The following GRXCR1 variants were observed in gnomAD, a reference collection of about 807,000 sequenced individuals.
GRXCR1 encodes glutaredoxin domain-containing cysteine-rich protein 1.
In GRXCR1, 27 loss-of-function variants were observed where a neutral mutation model predicts 27.3. That is an observed-to-expected ratio of 0.99 (90% confidence interval 0.73 to 1.37). The LOEUF (loss-of-function observed/expected upper bound fraction) is 1.37, where lower values mean the gene tolerates loss of function less well. Ranked by LOEUF, GRXCR1 falls within the 40% of genes most tolerant of loss-of-function variation. The pLI is 0.00. For missense variants in GRXCR1, 379 were observed against 354.4 expected (o/e 1.07, Z -0.56); for synonymous variants, 122 against 131.1 (o/e 0.93, Z 0.47).
chr4:42,962,786 A>T, intron 1 of GRXCR1, 106 bp from the exon 2 acceptor site: 1 of 1,258,688 alleles, frequency 7.9e-7, no homozygotes, highest in Non-Finnish European at 1.2e-6. Context: ...AAATGTGTTC[A>T]TTCAATTTTA....
chr4:42,916,130 T>C (rs1190326907), intron 1 of GRXCR1, among the ~76,000 whole-genome samples: 1 of 150,262 alleles, frequency 6.7e-6, no homozygotes, highest in Non-Finnish European at 1.5e-5. Context: ...AAGCATGTGC[T>C]TTTGTAAAAC....
At chr4:43,011,800 G>C (rs1712759203) in intron 2 of GRXCR1, among the ~76,000 whole-genome samples, 1 of 152,156 alleles carries the variant, frequency 6.6e-6, no homozygotes, top group Non-Finnish European at 1.5e-5. Flanking sequence ...TTGTAGGGAG[G>C]TCTTTCTTGA....
At chr4:42,921,577 T>A (rs1747011737) in intron 1 of GRXCR1, among the ~76,000 whole-genome samples, 1 of 152,020 alleles carries the variant, frequency 6.6e-6, no homozygotes, top group South Asian at 2.1e-4. Context: ...TATACCTGAG[T>A]ATATGTACTC....
intron 2 of GRXCR1, among the ~76,000 whole-genome samples, chr4:42,993,922 T>G (rs1167330101): frequency 6.6e-6 from 1 of 152,118 alleles, no homozygotes; most frequent in Non-Finnish European, 1.5e-5. Flanking sequence ...CTTTCATAAA[T>G]AAACGAGTGT....
intron 2 of GRXCR1, among the ~76,000 whole-genome samples, chr4:43,017,454 A>C (rs1712963628): frequency 6.6e-6 from 1 of 152,132 alleles, no homozygotes; most frequent in African/African-American, 2.4e-5. Context: ...TTCTCTTTAA[A>C]CTTTAGTTTT....
intron 1 of GRXCR1, among the ~76,000 whole-genome samples, chr4:42,934,593 C>T (rs1433555561): frequency 6.6e-6 from 1 of 151,932 alleles, no homozygotes; most frequent in Admixed American, 6.6e-5. Flanking sequence ...ACACATTTCT[C>T]CAGTCCTACA....
chr4:42,963,040 A>G lies in GRXCR1; in HGVS notation c.533A>G (p.Asn178Ser), dbSNP rs1748161900. 1 of 1,612,916 alleles carries G rather than the reference A, an allele frequency of 6.2e-7. No individual in the cohort carries two copies. Among genetic ancestry groups the G allele is most frequent in the Non-Finnish European group, 8.5e-7 (1 of 1,179,136 alleles). ...VKFEEKNIALNGEYGKELDER... is the reference protein window; with the variant it reads ...VKFEEKNIALSGEYGKELDER... ...TTTGAAGAGAAAAACATAGCCCTGA[A>G]TGGTGAATATGGAAAAGAGTTAGAC... The change falls in exon 2 of 4, where the codon AAT (asparagine) becomes AGT (serine). Residue 178 changes from asparagine to serine, a missense_variant. By Grantham distance (46) the Asn-to-Ser change is conservative. Coordinates refer to ENST00000399770, the MANE Select transcript of GRXCR1 (RefSeq NM_001080476.3).
intron 2 of GRXCR1, among the ~76,000 whole-genome samples, chr4:42,968,896 A>G (rs1318877955): frequency 6.6e-6 from 1 of 152,142 alleles, no homozygotes; most frequent in Non-Finnish European, 1.5e-5. Context: ...TTAAAAAATA[A>G]GGTATTTCTT....
Position 42,963,030 on chromosome 4 carries a change from A to T in GRXCR1, c.523A>T (p.Ile175Leu). The part of the protein sequence containing the change: ...NHRVKFEEKN[I>L]ALNGEYGKEL... ...TCGCGTAAAATTTGAAGAGAAAAAC[A>T]TAGCCCTGAATGGTGAATATGGAAA... The change falls in exon 2 of 4, where the codon ATA (isoleucine) becomes TTA (leucine). Residue 175 changes from isoleucine to leucine, a missense_variant. Ile to Leu is a conservative substitution (Grantham distance 5). Transcript: ENST00000399770. 2 of 1,612,896 alleles carry T rather than the reference A, an allele frequency of 1.2e-6. No individual in the cohort carries two copies. Among genetic ancestry groups the T allele is most frequent in the Non-Finnish European group, 1.7e-6 (2 of 1,179,114 alleles).
In GRXCR1 at chr4:42,927,874, A is replaced by C. The variant is rs150141569; in HGVS notation, c.384+34224A>C. On this transcript the variant is annotated intron_variant, in intron 1 of 3. Coordinates refer to ENST00000399770, the MANE Select transcript of GRXCR1 (RefSeq NM_001080476.3). Reference sequence around the variant, plus strand: ...TTGTGTGCAGGTAATTTATTTGGGAAGTGATCTCAGGAAGCCCCTGTAGGA... The same window carrying C: ...TTGTGTGCAGGTAATTTATTTGGGACGTGATCTCAGGAAGCCCCTGTAGGA... Among the ~76,000 whole-genome samples, 225 of 152,058 alleles carry C rather than the reference A, an allele frequency of 1.5e-3. 2 individuals carry two copies. The highest frequency in any genetic ancestry group is 4.8e-3 in the African/African-American group (200 of 41,526).
At chr4:43,014,449 A>T (rs891480726) in intron 2 of GRXCR1, among the ~76,000 whole-genome samples, 1 of 152,012 alleles carries the variant, frequency 6.6e-6, no homozygotes, top group Non-Finnish European at 1.5e-5. Context: ...TGCGGGTCGA[A>T]CTCCTTCAAT....
At chr4:43,017,818 A>G (rs1712973205) in intron 2 of GRXCR1, among the ~76,000 whole-genome samples, 2 of 152,122 alleles carry the variant, frequency 1.3e-5, no homozygotes, top group Non-Finnish European at 2.9e-5. Flanking sequence ...AAGGAAATAC[A>G]CTCTCTTTTG....
At chr4:42,927,902 G>T (rs957976040) in intron 1 of GRXCR1, among the ~76,000 whole-genome samples, 1 of 151,968 alleles carries the variant, frequency 6.6e-6, no homozygotes, top group Non-Finnish European at 1.5e-5. Flanking sequence ...CTGTAGGAGA[G>T]TGGGGATTGA....
chr4:42,944,204 G>A (rs982272632), intron 1 of GRXCR1, among the ~76,000 whole-genome samples: 1 of 151,988 alleles, frequency 6.6e-6, no homozygotes, highest in Non-Finnish European at 1.5e-5. Flanking sequence ...GGTAGAAGAT[G>A]GACCAACCAA....
At chr4:42,946,754 A>G (rs1171535003) in intron 1 of GRXCR1, among the ~76,000 whole-genome samples, 1 of 151,980 alleles carries the variant, frequency 6.6e-6, no homozygotes, top group Non-Finnish European at 1.5e-5. Flanking sequence ...TGACCTAATC[A>G]CCTCTCAAAA....
At chr4:42,980,433 GT>G (rs1298487251) in intron 2 of GRXCR1, among the ~76,000 whole-genome samples, 2 of 151,698 alleles carry the variant, frequency 1.3e-5, no homozygotes, top group Non-Finnish European at 2.9e-5. Flanking sequence ...TAATTTTCCT[GT>G]TTTTGTAAAT....
chr4:43,000,297 G>A (rs1434770005), intron 2 of GRXCR1, among the ~76,000 whole-genome samples: 1 of 151,968 alleles, frequency 6.6e-6, no homozygotes, highest in Admixed American at 6.6e-5. Flanking sequence ...GGCCAACATG[G>A]TGAAACTGTC....
chr4:42,921,413 A>G (rs2109750983), intron 1 of GRXCR1, among the ~76,000 whole-genome samples: 1 of 152,240 alleles, frequency 6.6e-6, no homozygotes, highest in Non-Finnish European at 1.5e-5. Flanking sequence ...TTTCTCTAAG[A>G]GTCTTCTAAA....
chr4:42,921,712 A>G (rs1392400251), intron 1 of GRXCR1, among the ~76,000 whole-genome samples: 1 of 152,088 alleles, frequency 6.6e-6, no homozygotes, highest in African/African-American at 2.4e-5. Context: ...AAATCTTGTC[A>G]ACATCTTAAA....
Sources: gnomAD v4.1 joint callset for allele counts (sites outside exome capture counted in the v4.1 genomes callset) on GRCh38, gnomAD v4.1.1 for gene constraint, MANE v1.5 for transcripts, NCBI Gene and HGNC (gene_info 2026-07-23, HGNC 2026-07-21) for gene names.